Variants in MAP7D1 observed in about 807,000 individuals in gnomAD.
MAP7D1 encodes MAP7 domain-containing protein 1.
MAP7D1 carries 30 observed loss-of-function variants against 97.5 expected under a neutral mutation model. The observed-to-expected ratio is 0.31, with a 90% CI of 0.23 to 0.42. MAP7D1 has a LOEUF of 0.42. MAP7D1 is among the 10% of genes least tolerant of loss of function. MAP7D1 has a pLI of 1.00. For synonymous variants in MAP7D1, 536 were observed against 477.1 expected, an observed-to-expected ratio of 1.12 and a Z score of -1.61; for missense variants, 1,184 against 1,179.5, an observed-to-expected ratio of 1.00 and a Z score of -0.06.
At chr1:36,158,274 A>T (rs1412032061) in intron 1 of MAP7D1, among the ~76,000 whole-genome samples, 1 of 152,064 alleles carries the variant, frequency 6.6e-6, no homozygotes, top group Non-Finnish European at 1.5e-5. Flanking sequence ...CTGGATCAGG[A>T]TGGTGGCAGT....
In MAP7D1 at chr1:36,156,479, C is replaced by T. The variant is rs1644330803; in HGVS notation, c.46+16C>T. The stretch of plus-strand genomic sequence containing the variant: ...GCACCCCCAGGTATGCCGGGAGCCA[C>T]GCGGAGGCGAGATGGGGGTAGATGG... On this transcript the variant is annotated intron_variant, in intron 1 of 16. Coordinates refer to ENST00000474796, the MANE Select transcript of MAP7D1 (RefSeq NM_001388490.1). 2.8e-6 allele frequency: 4 copies of T among 1,450,970 alleles called. No individual in the cohort carries two copies. Among genetic ancestry groups the T allele is most frequent in the African/African-American group, 1.5e-5 (1 of 67,346 alleles). The allele number at this position is 1,450,970 out of a possible 1,614,324, so 89.9% of individuals were successfully genotyped here. A position where few individuals can be genotyped will look rare whatever the true frequency, so the allele number is the denominator to read the frequency against.
At chr1:36,172,832 C>T (rs903108557) in intron 4 of MAP7D1, among the ~76,000 whole-genome samples, 1 of 152,244 alleles carries the variant, frequency 6.6e-6, no homozygotes, top group African/African-American at 2.4e-5. Flanking sequence ...GAATGTGCCA[C>T]TGTAGGCCCC....
At chr1:36,175,352 A>C (rs1306929399) in intron 6 of MAP7D1, among the ~76,000 whole-genome samples, 2 of 152,190 alleles carry the variant, frequency 1.3e-5, no homozygotes, top group Admixed American at 6.5e-5. Flanking sequence ...GGTCTGGGCC[A>C]ACCTTAGCCA....
intron 1 of MAP7D1, among the ~76,000 whole-genome samples, chr1:36,158,421 C>T (rs778510756): frequency 1.3e-5 from 2 of 152,100 alleles, no homozygotes; most frequent in Non-Finnish European, 2.9e-5. Context: ...GAACCCTGCT[C>T]CCTCTGAGTT....
chr1:36,162,699 C>G (rs1437040711), intron 1 of MAP7D1, among the ~76,000 whole-genome samples: 1 of 152,132 alleles, frequency 6.6e-6, no homozygotes, highest in Non-Finnish European at 1.5e-5. Context: ...TGGCTGGGGA[C>G]ATGCAGGTTC....
At chr1:36,162,203 T>G (rs956473568) in intron 1 of MAP7D1, among the ~76,000 whole-genome samples, 3 of 152,078 alleles carry the variant, frequency 2.0e-5, no homozygotes, top group African/African-American at 7.2e-5. Flanking sequence ...CAACCAGCCC[T>G]CACCCAGGCA....
At position 36,171,034 on chromosome 1, in the gene MAP7D1, CACCACCAATGTCAG is replaced by C; in HGVS notation, c.111_124del (p.Pro39GlyfsTer17). 1 of 1,579,730 alleles carries C rather than the reference CACCACCAATGTCAG, an allele frequency of 6.3e-7. No homozygotes were observed. Among genetic ancestry groups the C allele is most frequent in the Non-Finnish European group, 8.7e-7 (1 of 1,153,986 alleles). On this transcript the variant is annotated frameshift_variant, in exon 2 of 17. Coordinates refer to ENST00000474796, the MANE Select transcript of MAP7D1 (RefSeq NM_001388490.1). LOFTEE classifies it high-confidence loss of function. ...CCAGAAGGTGACCCTTCCCCCCCAC[CACCACCAATGTCAG>C]CCCTGGTCCCCGACACTCCCCCGGA...
Position 36,176,595 on chromosome 1 carries a change from C to G in MAP7D1, c.1233+14C>G. ...GAGGCCTCGCCGGTGAGTGGCTCTACTGGCTCGAGTGGCCGCGCAGGTGGG... is the reference window on the plus strand; with the variant it reads ...GAGGCCTCGCCGGTGAGTGGCTCTAGTGGCTCGAGTGGCCGCGCAGGTGGG... On this transcript the variant is annotated intron_variant, in intron 7 of 16. Coordinates refer to ENST00000474796, the MANE Select transcript of MAP7D1 (RefSeq NM_001388490.1). This position sits in a 1 kb window ranked among gnomAD's most constrained non-coding sequence, Gnocchi z 6.1. The G allele has an allele frequency of 6.5e-7, 1 of 1,536,594 alleles. No individual in the cohort carries two copies. Among genetic ancestry groups the G allele is most frequent in the Non-Finnish European group, 8.8e-7 (1 of 1,140,860 alleles).
At position 36,176,181 on chromosome 1, in the gene MAP7D1, C is replaced by G. The variant is rs1283198624; in HGVS notation, c.851-18C>G. 6.2e-7 allele frequency: 1 copy of G among 1,603,782 alleles called. No homozygotes were observed. Among genetic ancestry groups the G allele is most frequent in the Admixed American group, 1.7e-5 (1 of 59,830 alleles). On this transcript the variant is annotated intron_variant, in intron 6 of 16. Transcript: ENST00000474796. The surrounding 1 kb of genome is among the most constrained non-coding windows in gnomAD (Gnocchi z 6.1). ...CGGCCCCCACGGTGACCGGCTTCGC[C>G]TGGCCTTCTACCCCCAGATCGCAGC...
intron 1 of MAP7D1, among the ~76,000 whole-genome samples, chr1:36,169,464 G>A (rs1439953182): frequency 6.6e-6 from 1 of 152,004 alleles, no homozygotes; most frequent in African/African-American, 2.4e-5. Flanking sequence ...GCTGAGGCAG[G>A]AGAATGGGGT....
Position 36,178,149 on chromosome 1 carries a change from G to C in MAP7D1, c.1656G>C (p.Ser552=). 1.3e-6 allele frequency: 2 copies of C among 1,576,204 alleles called. No individual in the cohort carries two copies. The highest frequency in any genetic ancestry group is 1.2e-5 in the South Asian group (1 of 86,798). ...PASPAPSPAP[S]PTPAPPQKEQ... ...CACCGGCACCTTCGCCGGCGCCCTC[G>C]CCCACCCCAGCCCCGCCCCAGAAGG... Residue 552 remains serine (S), a synonymous_variant, in exon 9 of 17, where the codon TCG becomes TCC. Transcript: ENST00000474796.
intron 1 of MAP7D1, among the ~76,000 whole-genome samples, chr1:36,158,551 AC>A (rs758739823): frequency 4.5e-4 from 68 of 152,298 alleles, no homozygotes; most frequent in Non-Finnish European, 8.8e-4. Flanking sequence ...TGTACTGGCT[AC>A]TGGACTGGAG....
At chr1:36,172,679 T>C in intron 4 of MAP7D1, 52 bp downstream of exon 4, 1 of 1,471,934 alleles carries the variant, frequency 6.8e-7, no homozygotes, top group Non-Finnish European at 9.1e-7. Flanking sequence ...ACCGTCTGCA[T>C]ACTGGTGCAG....
In MAP7D1 at chr1:36,171,127, C is replaced by T. The variant is rs746062020; in HGVS notation, c.203C>T (p.Pro68Leu). The change falls in exon 2 of 17, where the codon CCA becomes CTA. Residue 68 changes from proline (P) to leucine (L), a missense_variant. Coordinates refer to ENST00000474796, the MANE Select transcript of MAP7D1 (RefSeq NM_001388490.1). ...AGCTCTAAGCAGCTCCCACTGGAACCAGAGAGCCCCTCAGGGCAGGTCGGG... is the reference window on the plus strand; with the variant it reads ...AGCTCTAAGCAGCTCCCACTGGAACTAGAGAGCCCCTCAGGGCAGGTCGGG... ...ATSSKQLPLEPESPSGQVGPR... is the reference protein window; with the variant it reads ...ATSSKQLPLELESPSGQVGPR... 6.2e-7 allele frequency: 1 copy of T among 1,614,050 alleles called. No individual in the cohort carries two copies. Among genetic ancestry groups the T allele is most frequent in the East Asian group, 2.2e-5 (1 of 44,866 alleles).
At chr1:36,166,860 A>T (rs909862502) in intron 1 of MAP7D1, among the ~76,000 whole-genome samples, 1 of 152,234 alleles carries the variant, frequency 6.6e-6, no homozygotes, top group Non-Finnish European at 1.5e-5. Context: ...TTTTGAAGAT[A>T]AAGGCAGAAG....
intron 16 of MAP7D1, 85 bp from the exon 17 acceptor site, chr1:36,180,163 C>G: frequency 6.2e-7 from 1 of 1,610,104 alleles, no homozygotes; most frequent in Non-Finnish European, 8.5e-7. Context: ...GCCAGGCACC[C>G]TCTCCTGCTC....
At position 36,156,462 on chromosome 1, in the gene MAP7D1, A is replaced by G; in HGVS notation, c.45A>G (p.Pro15=). Residue 15 remains proline, a splice_region_variant and synonymous_variant, in exon 1 of 17, where the codon CCA becomes CCG. Coordinates refer to ENST00000474796, the MANE Select transcript of MAP7D1 (RefSeq NM_001388490.1). The part of the protein sequence containing the change: ...PRAELGAGAP[P]AVVARTPPEP... The stretch of plus-strand genomic sequence containing the variant: ...CGGAGCTGGGGGCGGGCGCACCCCC[A>G]GGTATGCCGGGAGCCACGCGGAGGC... 2.0e-6 allele frequency: 3 copies of G among 1,463,694 alleles called. No individual in the cohort carries two copies. The highest frequency in any genetic ancestry group is 3.0e-5 in the East Asian group (1 of 33,556). The allele number at this position is 1,463,694 out of a possible 1,614,324, so 90.7% of individuals were successfully genotyped here. A position where few individuals can be genotyped will look rare whatever the true frequency, so the allele number is the denominator to read the frequency against.
intron 16 of MAP7D1, 23 bp downstream of exon 16, chr1:36,180,090 C>T (rs1349742099): frequency 1.2e-6 from 2 of 1,612,042 alleles, no homozygotes; most frequent in African/African-American, 2.7e-5. Context: ...ATTCCTGGAC[C>T]CAGCTCCATT....
In MAP7D1 at chr1:36,165,658, C is replaced by T. The variant is rs539959110; in HGVS notation, c.47-5313C>T. Among the ~76,000 whole-genome samples, 3 of 151,806 alleles carry T rather than the reference C, an allele frequency of 2.0e-5. No individual in the cohort carries two copies. The East Asian group carries it at 5.8e-4, about 29-fold the overall frequency. ...TCTCAAACTCCTGGCCTTAAGGGATCCTCCTGTCTGGGTCTCCCAAAGTGT... is the reference window on the plus strand; with the variant it reads ...TCTCAAACTCCTGGCCTTAAGGGATTCTCCTGTCTGGGTCTCCCAAAGTGT... On this transcript the variant is annotated intron_variant, in intron 1 of 16. Transcript: ENST00000474796.
Sources: gnomAD v4.1 joint callset for allele counts (sites outside exome capture counted in the v4.1 genomes callset) on GRCh38, gnomAD v4.1.1 for gene constraint, Gnocchi (gnomAD v3.1) non-coding constraint, MANE v1.5 for transcripts, NCBI Gene and HGNC (gene_info 2026-07-23, HGNC 2026-07-21) for gene names.